Variants in CDK15 observed in about 807,000 individuals in gnomAD.
CDK15 encodes cyclin-dependent kinase 15.
CDK15 carries 62 observed loss-of-function variants against 60.3 expected under a neutral mutation model. The ratio of observed to expected loss-of-function variants is 1.03; its 90% CI spans 0.84 to 1.27. The LOEUF (loss-of-function observed/expected upper bound fraction) is 1.27. CDK15 is among the 50% of genes most tolerant of loss of function. CDK15 has a pLI of 0.00. For synonymous variants in CDK15, 194 were observed against 195.7 expected (o/e 0.99, Z 0.07); for missense variants, 541 against 527.8 (o/e 1.03, Z -0.25).
chr2:201,836,058 T>TATATTTATATTTATA lies in CDK15; in HGVS notation c.851+295_851+296insATATTTATATTTATA, dbSNP rs1553523956. On this transcript the variant is annotated intron_variant, in intron 8 of 13. Coordinates refer to ENST00000652192, the MANE Select transcript of CDK15 (RefSeq NM_001366386.2). ...TATTTTATATATATTTATATATATA[T>TATATTTATATTTATA]TATATATATTTATATTTATATATAT... Among the ~76,000 whole-genome samples the TATATTTATATTTATA allele has an allele frequency of 1.5e-3, 145 of 96,000 alleles. 3 individuals carry two copies. In the East Asian group the frequency reaches 0.037, roughly 25 times the overall value. The allele number at this position is 96,000 out of a possible 152,430, so 63.0% of individuals were successfully genotyped here.
At chr2:201,860,006 ACT>A (rs1367209531) in intron 10 of CDK15, among the ~76,000 whole-genome samples, 1 of 152,172 alleles carries the variant, frequency 6.6e-6, no homozygotes, top group Non-Finnish European at 1.5e-5. Context: ...ATAAAGAGAA[ACT>A]TTTTTTCTTG....
intron 11 of CDK15, among the ~76,000 whole-genome samples, chr2:201,875,232 T>C (rs1699031682): frequency 6.6e-6 from 1 of 152,214 alleles, no homozygotes; most frequent in Non-Finnish European, 1.5e-5. Context: ...TAATTATTTT[T>C]ATGACTTTTA....
chr2:201,893,030 C>T (rs1699685979), intron 13 of CDK15, among the ~76,000 whole-genome samples: 1 of 152,178 alleles, frequency 6.6e-6, no homozygotes, highest in South Asian at 2.1e-4. Flanking sequence ...TACACATATT[C>T]TTTCAAAGCT....
intron 11 of CDK15, among the ~76,000 whole-genome samples, chr2:201,872,622 A>G (rs1292877950): frequency 6.6e-6 from 1 of 151,930 alleles, no homozygotes. Context: ...TGGGTTTATT[A>G]TTCTCTGACA....
At chr2:201,836,347 A>C (rs924801975) in intron 8 of CDK15, among the ~76,000 whole-genome samples, 2 of 150,804 alleles carry the variant, frequency 1.3e-5, no homozygotes, top group Non-Finnish European at 2.9e-5. Context: ...CTACTAAAAA[A>C]ATACTAATAT....
At chr2:201,841,004 C>T (rs1697352675) in intron 8 of CDK15, among the ~76,000 whole-genome samples, 1 of 152,082 alleles carries the variant, frequency 6.6e-6, no homozygotes, top group Non-Finnish European at 1.5e-5. Context: ...ACTATTAGAC[C>T]ACATTCTTCT....
intron 3 of CDK15, among the ~76,000 whole-genome samples, chr2:201,810,835 CTCT>C (rs1435492687): frequency 7.5e-6 from 1 of 133,980 alleles, no homozygotes; most frequent in African/African-American, 2.9e-5. Context: ...ATGGTATGCA[CTCT>C]TTTTTTTTTT....
chr2:201,874,715 C>T (rs1699006958), intron 11 of CDK15, among the ~76,000 whole-genome samples: 2 of 152,164 alleles, frequency 1.3e-5, no homozygotes, highest in South Asian at 4.1e-4. Flanking sequence ...TGATGGTGAT[C>T]TCCTTAATGT....
At chr2:201,854,793 T>C in intron 9 of CDK15, 81 bp from the exon 10 acceptor site, 1 of 1,167,608 alleles carries the variant, frequency 8.6e-7, no homozygotes, top group South Asian at 1.3e-5. Flanking sequence ...TTCCCTGATT[T>C]GTCCTGCATG....
At chr2:201,836,127 T>TTATACATA (rs1697059306) in intron 8 of CDK15, among the ~76,000 whole-genome samples, 1 of 61,624 alleles carries the variant, frequency 1.6e-5, no homozygotes, top group Non-Finnish European at 3.4e-5. Flanking sequence ...TATTATATAT[T>TTATACATA]TTATATATTT....
intron 6 of CDK15, among the ~76,000 whole-genome samples, chr2:201,827,663 A>T (rs967621602): frequency 6.6e-6 from 1 of 151,680 alleles, no homozygotes; most frequent in South Asian, 2.1e-4. Flanking sequence ...CTAGAGTGCA[A>T]TGGTGCAGTC....
intron 9 of CDK15, among the ~76,000 whole-genome samples, chr2:201,851,290 TCA>T (rs1491190892): frequency 3.0e-5 from 1 of 33,094 alleles, no homozygotes; most frequent in Non-Finnish European, 5.4e-5. Flanking sequence ...AGACTTCATC[TCA>T]AAAAAAAAAA....
chr2:201,847,232 G>T, intron 8 of CDK15, 149 bp from the exon 9 acceptor site: 1 of 675,222 alleles, frequency 1.5e-6, no homozygotes, highest in Non-Finnish European at 2.4e-6. Flanking sequence ...TTGACATAGG[G>T]ACTTTTTTTT....
At chr2:201,832,470 T>C (rs1046108069) in intron 6 of CDK15, among the ~76,000 whole-genome samples, 1 of 152,250 alleles carries the variant, frequency 6.6e-6, no homozygotes, top group Non-Finnish European at 1.5e-5. Flanking sequence ...GGTTTAAATG[T>C]CAGTGTAGGA....
At chr2:201,839,051 C>T (rs1198273178) in intron 8 of CDK15, among the ~76,000 whole-genome samples, 1 of 152,194 alleles carries the variant, frequency 6.6e-6, no homozygotes, top group Non-Finnish European at 1.5e-5. Flanking sequence ...CGCCATTCTC[C>T]TGCCTCAGCC....
rs554416080 is a variant in CDK15, at chr2:201,893,873, C to T, written c.*606C>T. ...TAAACTGGATTATCAGAACGTATTACCACCCAACCCATATTTTAGAAGTTT... is the reference window on the plus strand; with the variant it reads ...TAAACTGGATTATCAGAACGTATTATCACCCAACCCATATTTTAGAAGTTT... On this transcript the variant is annotated 3_prime_UTR_variant, in exon 14 of 14. Transcript: ENST00000652192. 33 of 152,248 alleles carry T rather than the reference C, an allele frequency of 2.2e-4. No individual in the cohort carries two copies. The highest frequency in any genetic ancestry group is 7.7e-4 in the African/African-American group (32 of 41,516). The allele number at this position is 152,248 out of a possible 1,614,324, so 9.4% of individuals were successfully genotyped here. A position where few individuals can be genotyped will look rare whatever the true frequency, so the allele number is the denominator to read the frequency against.
chr2:201,849,855 T>G (rs527414714), intron 9 of CDK15, among the ~76,000 whole-genome samples: 1 of 152,124 alleles, frequency 6.6e-6, no homozygotes, highest in Non-Finnish European at 1.5e-5. Flanking sequence ...GAAGGAGTCT[T>G]GCTCTGTCAC....
intron 10 of CDK15, among the ~76,000 whole-genome samples, chr2:201,862,183 C>A (rs1301191716): frequency 6.6e-6 from 1 of 152,148 alleles, no homozygotes; most frequent in East Asian, 1.9e-4. Flanking sequence ...ATATGTCTGC[C>A]CACTCTGTAC....
intron 1 of CDK15, 25 bp downstream of exon 1, chr2:201,806,812 T>C: frequency 8.1e-6 from 13 of 1,596,554 alleles, no homozygotes; most frequent in Non-Finnish European, 1.1e-5. Context: ...GGAGAGAGCA[T>C]CTTTCTCTAT....
Sources: allele counts gnomAD v4.1 joint callset (sites outside exome capture counted in the v4.1 genomes callset), GRCh38; gene constraint gnomAD v4.1.1; transcripts MANE v1.5; gene names NCBI Gene and HGNC (gene_info 2026-07-23, HGNC 2026-07-21).